The following TNXB variants were observed in gnomAD, a reference collection of about 807,000 sequenced individuals.
TNXB encodes the protein tenascin-X.
In TNXB, 183 loss-of-function variants were observed where a neutral mutation model predicts 340.5. The observed-to-expected ratio is 0.54, with a 90% confidence interval of 0.48 to 0.61. TNXB has a LOEUF of 0.61. Ranked by LOEUF, TNXB falls within the 20% of genes least tolerant of loss-of-function variation. TNXB has a pLI of 0.00. For synonymous variants in TNXB, 2,121 were observed against 2,314.5 expected, an observed-to-expected ratio of 0.92 and a Z score of 2.40; for missense variants, 4,613 against 5,446.4, an observed-to-expected ratio of 0.85 and a Z score of 4.82.
At chr6:32,065,728 C>A (rs1039859874) in intron 18 of TNXB, among the ~76,000 whole-genome samples, 4 of 152,162 alleles carry the variant, frequency 2.6e-5, no homozygotes, top group Non-Finnish European at 5.9e-5. Context: ...CAAGCAATTT[C>A]TTGTGCCTCA....
rs1331944117 is a variant in TNXB at position 32,097,109 on chromosome 6, G to C, written c.744C>G (p.Ser248=). Residue 248 remains serine (S), a synonymous_variant, in exon 3 of 44, where the codon TCC becomes TCG. Coordinates refer to ENST00000644971, the MANE Select transcript of TNXB (RefSeq NM_001365276.2). The surrounding 1 kb of genome is among the most constrained non-coding windows in gnomAD (Gnocchi z 5.9). ...GFSGPDCSQR[S]CPRGCSQRGR... is the part of the protein sequence containing the mutation. Reference sequence around the variant, plus strand: ...CCCTCTGGCTGCAACCTCGAGGGCAGGAGCGCTGGCTGCAGTCGGGGCCTG... The same window carrying C: ...CCCTCTGGCTGCAACCTCGAGGGCACGAGCGCTGGCTGCAGTCGGGGCCTG... 8.1e-6 allele frequency: 13 copies of C among 1,612,422 alleles called. No homozygotes were observed. In the African/African-American group the frequency reaches 1.1e-4, roughly 13 times the overall value.
chr6:32,069,946 G>T lies in TNXB; in HGVS notation c.5279-85C>A. 1 of 1,430,796 alleles carries T rather than the reference G, an allele frequency of 7.0e-7. No homozygotes were observed. The highest frequency in any genetic ancestry group is 9.3e-7 in the Non-Finnish European group (1 of 1,073,358). The allele number at this position is 1,430,796 out of a possible 1,614,324, so 88.6% of individuals were successfully genotyped here. A position where few individuals can be genotyped will look rare whatever the true frequency, so the allele number is the denominator to read the frequency against. On this transcript the variant is annotated intron_variant, in intron 14 of 43. Transcript: ENST00000644971. This position sits in a 1 kb window ranked among gnomAD's most constrained non-coding sequence, Gnocchi z 6.2. ...GACGGGCAGGATTGAGAGGTCTGGAGACAGGGCTTTGCGTGGCTGAGTCCT... is the reference window on the plus strand; with the variant it reads ...GACGGGCAGGATTGAGAGGTCTGGATACAGGGCTTTGCGTGGCTGAGTCCT...
At chr6:32,059,890 G>A (rs1011291859) in intron 21 of TNXB, among the ~76,000 whole-genome samples, 13 of 152,040 alleles carry the variant, frequency 8.6e-5, no homozygotes, top group Admixed American at 2.0e-4. Flanking sequence ...AGGAATTCTC[G>A]AAAAATACTC....
Position 32,067,853 on chromosome 6 carries a change from G to A in TNXB, c.6352C>T (p.Pro2118Ser). Residue 2118 changes from proline to serine, a missense_variant, in exon 18 of 44, where the codon CCC becomes TCC. Pro to Ser is a moderately conservative substitution (Grantham distance 74). Coordinates refer to ENST00000644971, the MANE Select transcript of TNXB (RefSeq NM_001365276.2). The surrounding 1 kb of genome is among the most constrained non-coding windows in gnomAD (Gnocchi z 4.2). ...PDSLSLSWTVPQGRFDSFTVQ... is the reference protein window; with the variant it reads ...PDSLSLSWTVSQGRFDSFTVQ... ...GTGAAGGAGTCGAAGCGGCCCTGGG[G>A]GACGGTCCAGGAGAGGCTCAGCGAG... 1.2e-6 allele frequency: 2 copies of A among 1,613,006 alleles called. No individual in the cohort carries two copies. The highest frequency in any genetic ancestry group is 2.2e-5 in the East Asian group (1 of 44,872).
rs202227084 is a variant in TNXB, at chr6:32,084,632, C to T, written c.3226G>A (p.Asp1076Asn). 5.3e-4 allele frequency: 843 copies of T among 1,601,540 alleles called. No homozygotes were observed. Among genetic ancestry groups the T allele is most frequent in the Non-Finnish European group, 6.5e-4 (759 of 1,174,466 alleles). ...ACCGTCCAGCGCAGGAGCAAGGAGT[C>T]GGAGGTCCTGTCTGTCACCGTCAGC... is the stretch of plus-strand genomic sequence containing the variant. Reference protein sequence around the residue: ...GELTVTDRTSDSLLLRWTVPE... With the variant: ...GELTVTDRTSNSLLLRWTVPE... Residue 1076 changes from aspartate (D) to asparagine (N), a missense_variant, in exon 8 of 44, where the codon GAC (aspartate) becomes AAC (asparagine). By Grantham distance (23) the Asp-to-Asn change is conservative (BLOSUM62 1). This residue lies in a region of TNXB where 4,327 missense variants were observed against 4,859.4 expected (regional missense o/e 0.89). Transcript: ENST00000644971. This position sits in a 1 kb window ranked among gnomAD's most constrained non-coding sequence, Gnocchi z 5.5.
At position 32,095,501 on chromosome 6, in the gene TNXB, C is replaced by G. The variant is rs1780279718; in HGVS notation, c.2242+110G>C. The G allele has an allele frequency of 1.1e-5, 16 of 1,416,056 alleles. No individual in the cohort carries two copies. In the South Asian group the frequency reaches 2.2e-4, roughly 19 times the overall value. 87.7% of individuals were successfully genotyped at this position (1,416,056 alleles called of 1,614,324 possible). Reference sequence around the variant, plus strand: ...TGCTGCCCCTGGTGGGCACTGGCTCCTTGGAATGACATGCTCTCCCTCCAC... The same window carrying G: ...TGCTGCCCCTGGTGGGCACTGGCTCGTTGGAATGACATGCTCTCCCTCCAC... On this transcript the variant is annotated intron_variant, in intron 3 of 43. Coordinates refer to ENST00000644971, the MANE Select transcript of TNXB (RefSeq NM_001365276.2).
At position 32,072,014 on chromosome 6, in the gene TNXB, G is replaced by A; in HGVS notation, c.4966C>T (p.Pro1656Ser). 2 of 1,607,122 alleles carry A rather than the reference G, an allele frequency of 1.2e-6. No individual in the cohort carries two copies. Among genetic ancestry groups the A allele is most frequent in the Admixed American group, 1.7e-5 (1 of 59,908 alleles). ...FGIQDGKRRS[P>S]VSVEAKTVAR... Reference sequence around the variant, plus strand: ...CCCGTCTTTGCCTCCACAGAGACTGGGCTGCGTCGTTTCCCATCCTGGATC... The same window carrying A: ...CCCGTCTTTGCCTCCACAGAGACTGAGCTGCGTCGTTTCCCATCCTGGATC... The change falls in exon 13 of 44, where the codon CCA becomes TCA. Residue 1656 changes from proline to serine, a missense_variant. Transcript: ENST00000644971. The surrounding 1 kb of genome is among the most constrained non-coding windows in gnomAD (Gnocchi z 4.4).
In TNXB at chr6:32,081,960, G is replaced by C. The variant is rs535805891; in HGVS notation, c.3736+76C>G. ...TCAGCTGTCTTGCTGGGGGACCCCA[G>C]CTGGTTTTGGGCTGAAGGGAAGTGT... On this transcript the variant is annotated intron_variant, in intron 9 of 43. Coordinates refer to ENST00000644971, the MANE Select transcript of TNXB (RefSeq NM_001365276.2). This position sits in a 1 kb window ranked among gnomAD's most constrained non-coding sequence, Gnocchi z 5.1. 15 of 1,440,314 alleles carry C rather than the reference G, an allele frequency of 1.0e-5. No individual in the cohort carries two copies. In the East Asian group the frequency reaches 3.7e-4, roughly 35 times the overall value. 89.2% of individuals were successfully genotyped at this position (1,440,314 alleles called of 1,614,324 possible). A position where few individuals can be genotyped will look rare whatever the true frequency, so the allele number is the denominator to read the frequency against.
rs1777770693 is a variant in TNXB, at chr6:32,057,985, T to A, written c.7825+73A>T. 3 of 1,486,960 alleles carry A rather than the reference T, an allele frequency of 2.0e-6. No individual in the cohort carries two copies. The South Asian group carries it at 3.8e-5, about 19-fold the overall frequency. The allele number at this position is 1,486,960 out of a possible 1,614,324, so 92.1% of individuals were successfully genotyped here. On this transcript the variant is annotated intron_variant, in intron 22 of 43. Transcript: ENST00000644971. ...TGAGCCCCATCAAGACAGAAATATG[T>A]ATAGGAAAATGGTAGAGAAGGGCAC...
rs1777088985 is a variant in TNXB at position 32,049,146 on chromosome 6, T to C, written c.9757+124A>G. On this transcript the variant is annotated intron_variant, in intron 28 of 43. Transcript: ENST00000644971. This position sits in a 1 kb window ranked among gnomAD's most constrained non-coding sequence, Gnocchi z 4.5. The stretch of plus-strand genomic sequence containing the variant: ...GAATCCAAGGATGAGGCAGGATCAT[T>C]AGCAACATGGGAGAAAAGACAGAAA... The C allele has an allele frequency of 3.0e-6, 4 of 1,341,626 alleles. No homozygotes were observed. Among genetic ancestry groups the C allele is most frequent in the Non-Finnish European group, 2.0e-6 (2 of 1,010,644 alleles). The allele number at this position is 1,341,626 out of a possible 1,614,324, so 83.1% of individuals were successfully genotyped here.
chr6:32,068,747 G>A lies in TNXB; in HGVS notation c.5903-40C>T. On this transcript the variant is annotated intron_variant, in intron 16 of 43. Coordinates refer to ENST00000644971, the MANE Select transcript of TNXB (RefSeq NM_001365276.2). The surrounding 1 kb of genome is among the most constrained non-coding windows in gnomAD (Gnocchi z 5.3). ...GGAAAGAGAGGACTGAGGTGGGCAG[G>A]GTATCCGCGGGACTCTGCTGTCCTC... 1 of 1,599,394 alleles carries A rather than the reference G, an allele frequency of 6.3e-7. No homozygotes were observed. Among genetic ancestry groups the A allele is most frequent in the African/African-American group, 1.3e-5 (1 of 74,722 alleles).
chr6:32,056,017 G>C lies in TNXB; in HGVS notation c.8301C>G (p.Thr2767=), dbSNP rs760906844. ...GCCCGTCCCTGTCCTTGTACTGCAC[G>C]GTGAAGGAGTCGAAGTGGCCCTGGG... ...TIPQGHFDSF[T]VQYKDRDGRP... Residue 2767 remains threonine, a synonymous_variant, in exon 24 of 44, where the codon ACC becomes ACG. Transcript: ENST00000644971. The C allele has an allele frequency of 6.2e-7, 1 of 1,613,146 alleles. No homozygotes were observed. The highest frequency in any genetic ancestry group is 8.5e-7 in the Non-Finnish European group (1 of 1,179,888).
chr6:32,087,253 G>A lies in TNXB; in HGVS notation c.2780-1135C>T. 2.0e-6 allele frequency: 1 copy of A among 504,994 alleles called. No homozygotes were observed. Among genetic ancestry groups the A allele is most frequent in the South Asian group, 1.4e-5 (1 of 69,012 alleles). The allele number at this position is 504,994 out of a possible 1,614,324, so 31.3% of individuals were successfully genotyped here. A position where few individuals can be genotyped will look rare whatever the true frequency, so the allele number is the denominator to read the frequency against. Reference sequence around the variant, plus strand: ...CCCGTGGCCCCAGCCCACACTACCTGTGGTGGTGATGAAGGCGTAGGACTT... The same window carrying A: ...CCCGTGGCCCCAGCCCACACTACCTATGGTGGTGATGAAGGCGTAGGACTT... On this transcript the variant is annotated intron_variant, in intron 6 of 43. Transcript: ENST00000644971. The surrounding 1 kb of genome is among the most constrained non-coding windows in gnomAD (Gnocchi z 9.0).
Position 32,061,329 on chromosome 6 carries a change from G to C in TNXB, c.7492+68C>G. The C allele has an allele frequency of 6.4e-7, 1 of 1,570,762 alleles. No individual in the cohort carries two copies. On this transcript the variant is annotated intron_variant, in intron 21 of 43. Transcript: ENST00000644971. The surrounding 1 kb of genome is among the most constrained non-coding windows in gnomAD (Gnocchi z 4.4). ...TCTGGACCCACAGGGCTTGGTGAAA[G>C]GGCACAGCAGTAAACCAGGTACCCA...
intron 1 of TNXB, among the ~76,000 whole-genome samples, chr6:32,101,077 CAAAAA>C (rs35800696): frequency 4.3e-5 from 2 of 46,962 alleles, no homozygotes; most frequent in African/African-American, 1.8e-4. Flanking sequence ...AACTCCATCT[CAAAAA>C]AAAAAAAAAA....
intron 24 of TNXB, among the ~76,000 whole-genome samples, chr6:32,054,639 C>T (rs1187202247): frequency 6.6e-6 from 1 of 152,228 alleles, no homozygotes; most frequent in Non-Finnish European, 1.5e-5. Context: ...TGTCCCTTCC[C>T]AATCCTGGCT....
In TNXB at chr6:32,071,982, C is replaced by T. The variant is rs2151918909; in HGVS notation, c.4990+8G>A. 1.3e-6 allele frequency: 2 copies of T among 1,586,946 alleles called. No homozygotes were observed. The highest frequency in any genetic ancestry group is 3.4e-5 in the Admixed American group (2 of 59,034). Reference sequence around the variant, plus strand: ...CCTCAGGCTCAGCTGTGTAGGGGCCCATCTCACCCGTCTTTGCCTCCACAG... The same window carrying T: ...CCTCAGGCTCAGCTGTGTAGGGGCCTATCTCACCCGTCTTTGCCTCCACAG... On this transcript the variant is annotated splice_region_variant and intron_variant, in intron 13 of 43. Coordinates refer to ENST00000644971, the MANE Select transcript of TNXB (RefSeq NM_001365276.2).
rs2856453 is a variant in TNXB, at chr6:32,043,458, C to T, written c.11629G>A (p.Val3877Ile). Residue 3877 changes from valine to isoleucine, a missense_variant, in exon 36 of 44, where the codon GTC becomes ATC. Physicochemically the swap from Val to Ile is conservative, Grantham distance 29. Transcript: ENST00000644971. ...TCACCCCCAGGGGCTGTGACCTGGA[C>T]GTCATAGGTGTCCACAGGATTCTGG... ...PPQNPVDTYD[V>I]QVTAPGAPPL... The T allele has an allele frequency of 0.51, 288,772 of 569,990 alleles. 75,444 individuals carry two copies. Among genetic ancestry groups the T allele is most frequent in the Middle Eastern group, 0.61 (1,445 of 2,380 alleles). 35.3% of individuals were successfully genotyped at this position (569,990 alleles called of 1,614,324 possible).
intron 4 of TNXB, among the ~76,000 whole-genome samples, chr6:32,091,444 G>A (rs1227079802): frequency 6.6e-6 from 1 of 150,742 alleles, no homozygotes; most frequent in Non-Finnish European, 1.5e-5. Context: ...GCTGGCAGCT[G>A]GCTCTGCCCC....
Sources: allele counts gnomAD v4.1 joint callset (sites outside exome capture counted in the v4.1 genomes callset), GRCh38; gene constraint gnomAD v4.1.1; regional missense constraint gnomAD v4.1.1; non-coding constraint Gnocchi (gnomAD v3.1); transcripts MANE v1.5; gene names NCBI Gene and HGNC (gene_info 2026-07-23, HGNC 2026-07-21).